DERPC: variants seen among roughly 807,000 people sequenced by gnomAD.
DERPC encodes DERPC proline and glycine rich nuclear protein.
A neutral mutation model predicts 7.2 loss-of-function variants in DERPC; 1 was observed. The ratio of observed to expected loss-of-function variants is 0.14; its 90% confidence interval spans 0.05 to 0.66. DERPC has a LOEUF of 0.66. Ranked by LOEUF, DERPC falls within the 30% of genes least tolerant of loss-of-function variation. The pLI is 0.84. For synonymous variants in DERPC, 185 were observed against 117.6 expected (o/e 1.57, Z -3.71); for missense variants, 502 against 299.4 (o/e 1.68, Z -4.99).
intron 2 of DERPC, 69 bp downstream of exon 2, chr16:69,121,367 A>G: frequency 7.1e-7 from 1 of 1,414,266 alleles, no homozygotes. Flanking sequence ...TGATTCTTCC[A>G]GACACATGGC....
intron 1 of DERPC, among the ~76,000 whole-genome samples, chr16:69,131,120 GT>G (rs1474437282): frequency 2.6e-5 from 4 of 152,178 alleles, no homozygotes; most frequent in African/African-American, 9.7e-5. Context: ...CTAAAATCCT[GT>G]TTCCAAATGA....
intron 1 of DERPC, among the ~76,000 whole-genome samples, chr16:69,125,007 C>T (rs1961957044): frequency 6.6e-6 from 1 of 151,778 alleles, no homozygotes; most frequent in East Asian, 1.9e-4. Flanking sequence ...CGAATTCAAG[C>T]AATTCTCATG....
chr16:69,130,313 G>GT lies in DERPC; in HGVS notation c.-280+2170dup, dbSNP rs199974418. 5.8e-3 allele frequency among the ~76,000 whole-genome samples: 698 copies of GT among 119,934 alleles called. 26 individuals carry two copies. In the South Asian group the frequency reaches 0.1, roughly 18 times the overall value. 78.7% of individuals were successfully genotyped at this position (119,934 alleles called of 152,430 possible). On this transcript the variant is annotated intron_variant, in intron 1 of 2. Transcript: ENST00000519520. ...AGCTAAACAACGTTTTAGAAATTTT[G>GT]TTTTTTTTTCAAACAGGAAACCAAG...
chr16:69,124,425 T>C (rs1220440850), intron 1 of DERPC, among the ~76,000 whole-genome samples: 1 of 151,288 alleles, frequency 6.6e-6, no homozygotes, highest in Non-Finnish European at 1.5e-5. Flanking sequence ...TTAAACAGAT[T>C]TTTTTTTTGT....
chr16:69,119,590 C>G lies in DERPC; in HGVS notation c.839G>C (p.Arg280Thr), dbSNP rs1961462070. Residue 280 changes from arginine to threonine, a missense_variant, in exon 3 of 3, where the codon AGA (arginine) becomes ACA (threonine). Coordinates refer to ENST00000519520, the MANE Select transcript of DERPC (RefSeq NM_001002847.4). ...PQGLDLAPIL[R>T]AAGLLGANSA... ...ATTTGCTCCTAAAAGACCTGCTGCT[C>G]TTAGAATGGGGGCAAGATCGAGGCC... 1.4e-6 allele frequency: 1 copy of G among 701,546 alleles called. No homozygotes were observed. Among genetic ancestry groups the G allele is most frequent in the Admixed American group, 2.0e-5 (1 of 49,786 alleles). 43.5% of individuals were successfully genotyped at this position (701,546 alleles called of 1,614,324 possible). A position where few individuals can be genotyped will look rare whatever the true frequency, so the allele number is the denominator to read the frequency against.
At chr16:69,131,394 G>A (rs1351305014) in intron 1 of DERPC, 1 of 152,060 alleles carries the variant, frequency 6.6e-6, no homozygotes, top group African/African-American at 2.4e-5. Context: ...ATCTTAGCCT[G>A]TCCTCCTCTT....
At chr16:69,127,440 A>G (rs186017887) in intron 1 of DERPC, among the ~76,000 whole-genome samples, 173 of 152,190 alleles carry the variant, frequency 1.1e-3, no homozygotes, top group Middle Eastern at 3.4e-3. Flanking sequence ...TTCCAGCAAC[A>G]CTGAAAGACG....
At chr16:69,124,107 G>C (rs571133105) in intron 1 of DERPC, among the ~76,000 whole-genome samples, 4 of 148,230 alleles carry the variant, frequency 2.7e-5, no homozygotes, top group East Asian at 4.0e-4. Flanking sequence ...CTGTCTCAAA[G>C]GGGAAAAAAA....
intron 1 of DERPC, among the ~76,000 whole-genome samples, chr16:69,125,879 G>GA (rs1229099027): frequency 2.0e-5 from 3 of 152,308 alleles, no homozygotes; most frequent in African/African-American, 7.2e-5. Context: ...TATGTCCTAT[G>GA]AAACTATTGC....
chr16:69,130,034 G>C (rs1036241853), intron 1 of DERPC, among the ~76,000 whole-genome samples: 1 of 152,206 alleles, frequency 6.6e-6, no homozygotes, highest in African/African-American at 2.4e-5. Context: ...TCTTTGTCAA[G>C]TATTCATTTT....
At chr16:69,131,571 A>C (rs1178107830) in intron 1 of DERPC, among the ~76,000 whole-genome samples, 1 of 129,128 alleles carries the variant, frequency 7.7e-6, no homozygotes, top group Non-Finnish European at 1.6e-5. Flanking sequence ...TTCTAGTCCC[A>C]CCCACTTTCT....
At chr16:69,129,618 G>A (rs1022103628) in intron 1 of DERPC, among the ~76,000 whole-genome samples, 33 of 152,258 alleles carry the variant, frequency 2.2e-4, no homozygotes, top group African/African-American at 7.7e-4. Flanking sequence ...AACAGGCTTA[G>A]AGGAGCTAAA....
rs1961385597 is a variant in DERPC, at chr16:69,118,922, G to T, written c.1507C>A (p.Pro503Thr). 2.8e-6 allele frequency: 2 copies of T among 703,110 alleles called. No homozygotes were observed. The highest frequency in any genetic ancestry group is 5.2e-6 in the Non-Finnish European group (2 of 385,036). The allele number at this position is 703,110 out of a possible 1,614,324, so 43.6% of individuals were successfully genotyped here. A position where few individuals can be genotyped will look rare whatever the true frequency, so the allele number is the denominator to read the frequency against. Residue 503 changes from proline to threonine, a missense_variant, in exon 3 of 3, where the codon CCA (proline) becomes ACA (threonine). Physicochemically the swap from Pro to Thr is conservative, Grantham distance 38. Transcript: ENST00000519520. ...PRVGSLPGTN[P>T]AAFPRPGGPM... ...CCCCCTGGTCTGGGGAAAGCAGCTG[G>T]GTTTGTGCCAGGGAGGCTCCCCACT...
intron 1 of DERPC, among the ~76,000 whole-genome samples, chr16:69,123,304 G>T (rs894771696): frequency 6.6e-6 from 1 of 152,100 alleles, no homozygotes; most frequent in Non-Finnish European, 1.5e-5. Flanking sequence ...CTTTGGTAAT[G>T]ATGTAAGCTT....
chr16:69,121,433 T>G lies in DERPC; in HGVS notation c.-222+3A>C, dbSNP rs761293566. 1 of 1,606,686 alleles carries G rather than the reference T, an allele frequency of 6.2e-7. No homozygotes were observed. Among genetic ancestry groups the G allele is most frequent in the Admixed American group, 1.7e-5 (1 of 57,848 alleles). On this transcript the variant is annotated splice_donor_region_variant and intron_variant, in intron 2 of 2. Coordinates refer to ENST00000519520, the MANE Select transcript of DERPC (RefSeq NM_001002847.4). ...AAATTTTAAAATCTCAAAATGTACT[T>G]ACCTGGAAATAACAATTTGCACCAT...
At chr16:69,126,063 C>T (rs1962037973) in intron 1 of DERPC, among the ~76,000 whole-genome samples, 1 of 152,112 alleles carries the variant, frequency 6.6e-6, no homozygotes, top group Admixed American at 6.6e-5. Flanking sequence ...ATAATGCACA[C>T]AGAGAAGGGG....
At chr16:69,127,335 GTACAA>G (rs2152271130) in intron 1 of DERPC, among the ~76,000 whole-genome samples, 1 of 151,508 alleles carries the variant, frequency 6.6e-6, no homozygotes, top group Non-Finnish European at 1.5e-5. Flanking sequence ...TGGGGAAGAA[GTACAA>G]TACAAATAAA....
intron 1 of DERPC, among the ~76,000 whole-genome samples, chr16:69,130,792 G>A (rs1233214765): frequency 3.3e-5 from 5 of 152,234 alleles, no homozygotes; most frequent in Non-Finnish European, 5.9e-5. Flanking sequence ...GCATATTAAT[G>A]TTTATAACGG....
chr16:69,123,925 TAAAAAAAAAA>T (rs757493986), intron 1 of DERPC, among the ~76,000 whole-genome samples: 5 of 76,962 alleles, frequency 6.5e-5, no homozygotes, highest in Non-Finnish European at 1.3e-4. Flanking sequence ...CCATCTCTAC[TAAAAAAAAAA>T]AAAAAAAAAA....
Sources: gnomAD v4.1 joint callset for allele counts (sites outside exome capture counted in the v4.1 genomes callset) on GRCh38, gnomAD v4.1.1 for gene constraint, MANE v1.5 for transcripts, NCBI Gene and HGNC (gene_info 2026-07-23, HGNC 2026-07-21) for gene names.